The following PRIMA1 variants were observed in gnomAD, a reference collection of about 807,000 sequenced individuals.
The protein encoded by PRIMA1 is proline rich membrane anchor 1, also known as proline-rich membrane anchor 1.
In PRIMA1, 7 loss-of-function variants were observed where a neutral mutation model predicts 17.5. The ratio of observed to expected loss-of-function variants is 0.40; its 90% CI spans 0.23 to 0.75. The LOEUF (loss-of-function observed/expected upper bound fraction) is 0.75, where lower values mean the gene tolerates loss of function less well. Ranked by LOEUF, PRIMA1 falls within the 30% of genes least tolerant of loss-of-function variation. The pLI is 0.37. For missense variants in PRIMA1, 200 were observed against 201.8 expected (o/e 0.99, Z 0.05); for synonymous variants, 97 against 77.9 (o/e 1.25, Z -1.29).
chr14:93,784,469 G>C (rs1885466783), intron 2 of PRIMA1, among the ~76,000 whole-genome samples: 1 of 152,250 alleles, frequency 6.6e-6, no homozygotes, highest in Non-Finnish European at 1.5e-5. Context: ...CAACCAGCCT[G>C]GACTGAGATT....
At chr14:93,768,290 GGGCCACGGAGAA>G (rs1884952819) in intron 3 of PRIMA1, among the ~76,000 whole-genome samples, 1 of 152,042 alleles carries the variant, frequency 6.6e-6, no homozygotes, top group Admixed American at 6.6e-5. Context: ...TGGCAGCAGG[GGGCCACGGAGAA>G]GGTGCACTGT....
intron 3 of PRIMA1, among the ~76,000 whole-genome samples, chr14:93,742,918 C>T (rs1039648334): frequency 9.2e-5 from 14 of 152,168 alleles, no homozygotes; most frequent in African/African-American, 3.4e-4. Context: ...ATGTATGACC[C>T]GGGCAAACAG....
At chr14:93,722,141 A>G (rs12436889) in intron 4 of PRIMA1, among the ~76,000 whole-genome samples, 4 of 4,814 alleles carry the variant, frequency 8.3e-4, no homozygotes, top group African/African-American at 1.3e-3. Context: ...TAATGGGGTG[A>G]TGGTGGTAGT....
chr14:93,762,061 C>T (rs530735652), intron 3 of PRIMA1, among the ~76,000 whole-genome samples: 1 of 152,304 alleles, frequency 6.6e-6, no homozygotes, highest in Admixed American at 6.5e-5. Flanking sequence ...TCAGAGGGGC[C>T]TTGCCCTGGG....
upstream of PRIMA1, among the ~76,000 whole-genome samples, chr14:93,788,648 G>T (rs1453994208): frequency 1.3e-5 from 2 of 152,128 alleles, no homozygotes; most frequent in African/African-American, 4.8e-5. Context: ...GCGCCGGTTG[G>T]GCCTCCCGGG....
At chr14:93,732,848 G>T (rs1378945108) in intron 4 of PRIMA1, among the ~76,000 whole-genome samples, 2 of 152,224 alleles carry the variant, frequency 1.3e-5, no homozygotes, top group African/African-American at 4.8e-5. Context: ...GCTGGGAAGG[G>T]AACAGGCCTG....
chr14:93,782,183 G>A (rs12147935), intron 2 of PRIMA1, among the ~76,000 whole-genome samples: 1 of 152,044 alleles, frequency 6.6e-6, no homozygotes, highest in Non-Finnish European at 1.5e-5. Flanking sequence ...CAGGAGAATG[G>A]CGTGAACACG....
intron 3 of PRIMA1, among the ~76,000 whole-genome samples, chr14:93,747,786 ATG>A (rs2076230153): frequency 1.5e-5 from 1 of 68,518 alleles, no homozygotes; most frequent in South Asian, 4.4e-4. Context: ...GTGTATGAGT[ATG>A]TGAGAGTGTA....
At chr14:93,727,963 G>GCCAGC (rs960311088) in intron 4 of PRIMA1, among the ~76,000 whole-genome samples, 2 of 152,206 alleles carry the variant, frequency 1.3e-5, no homozygotes, top group African/African-American at 4.8e-5. Flanking sequence ...GCTGTCCTGA[G>GCCAGC]CCAGCCCAGC....
intron 3 of PRIMA1, among the ~76,000 whole-genome samples, chr14:93,769,278 T>G (rs1042757872): frequency 1.3e-5 from 2 of 152,208 alleles, no homozygotes; most frequent in African/African-American, 4.8e-5. Context: ...GGCCAGGACC[T>G]CGCATGTGTG....
At chr14:93,732,812 G>A (rs1365119281) in intron 4 of PRIMA1, among the ~76,000 whole-genome samples, 1 of 152,236 alleles carries the variant, frequency 6.6e-6, no homozygotes, top group African/African-American at 2.4e-5. Flanking sequence ...GCCCAGCTGA[G>A]CCCAGCTGAG....
At chr14:93,745,304 G>A (rs890475682) in intron 3 of PRIMA1, among the ~76,000 whole-genome samples, 7 of 152,212 alleles carry the variant, frequency 4.6e-5, no homozygotes, top group African/African-American at 1.7e-4. Flanking sequence ...ACGGTCTCAG[G>A]GCTCCAGAGC....
intron 3 of PRIMA1, among the ~76,000 whole-genome samples, chr14:93,778,491 G>A (rs758597560): frequency 1.3e-4 from 20 of 152,178 alleles, no homozygotes; most frequent in Non-Finnish European, 2.4e-4. Flanking sequence ...GGTAGATACC[G>A]ACATGATCAC....
At chr14:93,759,632 GAA>G (rs1203857859) in intron 3 of PRIMA1, among the ~76,000 whole-genome samples, 2 of 152,178 alleles carry the variant, frequency 1.3e-5, no homozygotes, top group African/African-American at 4.8e-5. Context: ...AAAGGAGAAA[GAA>G]CACCTATGAT....
chr14:93,739,199 T>C (rs2076169548), intron 3 of PRIMA1, among the ~76,000 whole-genome samples: 2 of 152,102 alleles, frequency 1.3e-5, no homozygotes, highest in South Asian at 4.2e-4. Flanking sequence ...ATTACAGATA[T>C]GCGCCACCAT....
intron 3 of PRIMA1, among the ~76,000 whole-genome samples, chr14:93,757,940 C>T (rs1299060522): frequency 6.6e-6 from 1 of 152,170 alleles, no homozygotes; most frequent in Non-Finnish European, 1.5e-5. Context: ...AGGTTCCCTT[C>T]GCGGGGAGCC....
chr14:93,779,224 GC>G lies in PRIMA1; in HGVS notation c.180del (p.Pro62ArgfsTer33). On this transcript the variant is annotated frameshift_variant, in exon 3 of 5. Coordinates refer to ENST00000393140, the MANE Select transcript of PRIMA1 (RefSeq NM_178013.4). LOFTEE classifies it high-confidence loss of function. ...HVCQCRPPPP[L>X]PPPPPPPPPP... is the part of the protein sequence containing the mutation. ...GGTGGCGGGGGTGGGGGCGGCGGGG[GC>G]AGCGGGGGAGGGGGCCGGCACTGGC... is the stretch of plus-strand genomic sequence containing the variant. 7.1e-6 allele frequency: 8 copies of G among 1,134,002 alleles called. No individual in the cohort carries two copies. Among genetic ancestry groups the G allele is most frequent in the Non-Finnish European group, 8.4e-6 (7 of 835,552 alleles). The allele number at this position is 1,134,002 out of a possible 1,614,324, so 70.2% of individuals were successfully genotyped here. A position where few individuals can be genotyped will look rare whatever the true frequency, so the allele number is the denominator to read the frequency against.
chr14:93,750,742 G>A (rs1407839528), intron 3 of PRIMA1, among the ~76,000 whole-genome samples: 1 of 152,134 alleles, frequency 6.6e-6, no homozygotes, highest in Non-Finnish European at 1.5e-5. Context: ...GTCTGAAAGT[G>A]TCCTGAAATT....
chr14:93,767,151 C>G (rs1293356760), intron 3 of PRIMA1, among the ~76,000 whole-genome samples: 1 of 152,168 alleles, frequency 6.6e-6, no homozygotes, highest in Non-Finnish European at 1.5e-5. Context: ...GTGGGCAGAC[C>G]AAGAAGGTGA....
Sources: allele counts gnomAD v4.1 joint callset (sites outside exome capture counted in the v4.1 genomes callset), GRCh38; gene constraint gnomAD v4.1.1; transcripts MANE v1.5; gene names NCBI Gene and HGNC (gene_info 2026-07-23, HGNC 2026-07-21).